The following RPRD2 variants were observed in gnomAD, a reference collection of about 807,000 sequenced individuals.
RPRD2 encodes regulation of nuclear pre-mRNA domain-containing protein 2.
In RPRD2, 12 loss-of-function variants were observed where a neutral mutation model predicts 104.4. The ratio of observed to expected loss-of-function variants is 0.11; its 90% confidence interval spans 0.07 to 0.19. RPRD2 has a LOEUF of 0.19. RPRD2 is among the 10% of genes least tolerant of loss of function. The pLI, the probability that RPRD2 is intolerant of heterozygous loss-of-function variation, is 1.00. For synonymous variants in RPRD2, 714 were observed against 684.9 expected (o/e 1.04, Z -0.66); for missense variants, 1,543 against 1,790.1 (o/e 0.86, Z 2.49).
chr1:150,384,323 A>G (rs1553881359), intron 1 of RPRD2, among the ~76,000 whole-genome samples: 1 of 152,042 alleles, frequency 6.6e-6, no homozygotes, highest in Non-Finnish European at 1.5e-5. Context: ...TATGTGAAAC[A>G]GGTGAAAGAA....
rs1572480344 is a variant in RPRD2 at position 150,439,641 on chromosome 1, T to TTG, written c.336-1282_336-1281insTG. 5.3e-5 allele frequency among the ~76,000 whole-genome samples: 8 copies of TTG among 151,688 alleles called. No individual in the cohort carries two copies. The East Asian group carries it at 1.4e-3, about 26-fold the overall frequency. The stretch of plus-strand genomic sequence containing the variant: ...GTTTGACATAGCTTTTTTTTTTTTT[T>TTG]GTCTTCAATCTCCATATGGTTTGGT... On this transcript the variant is annotated intron_variant, in intron 2 of 10. Transcript: ENST00000369068.
At chr1:150,441,774 C>G (rs1553894512) in intron 3 of RPRD2, 107 bp from the exon 4 acceptor site, 1 of 609,336 alleles carries the variant, frequency 1.6e-6, no homozygotes, top group Non-Finnish European at 2.9e-6. Flanking sequence ...AAAGAAACAA[C>G]ACACAGTCTC....
chr1:150,437,536 C>A (rs1666087738), intron 2 of RPRD2, among the ~76,000 whole-genome samples: 1 of 152,074 alleles, frequency 6.6e-6, no homozygotes, highest in Admixed American at 6.6e-5. Flanking sequence ...TGCTATTGCA[C>A]ACTTAATTGA....
chr1:150,398,187 A>ATTTATTTTGT (rs147248456), intron 1 of RPRD2, among the ~76,000 whole-genome samples: 7 of 132,310 alleles, frequency 5.3e-5, no homozygotes, highest in Non-Finnish European at 9.5e-5. Context: ...GTGTTTTTAT[A>ATTTATTTTGT]TTTATTTTAT....
At position 150,392,092 on chromosome 1, in the gene RPRD2, C is replaced by T. The variant is rs147928465; in HGVS notation, c.206-25504C>T. Among the ~76,000 whole-genome samples the T allele has an allele frequency of 6.8e-3, 995 of 147,402 alleles. 6 individuals carry two copies. The highest frequency in any genetic ancestry group is 0.013 in the South Asian group (58 of 4,630). ...GCAGGCACCTGTAGTCCCAGCTACT[C>T]GGGAGAATCGCTTGAACCGGGAGGC... On this transcript the variant is annotated intron_variant, in intron 1 of 10. Coordinates refer to ENST00000369068, the MANE Select transcript of RPRD2 (RefSeq NM_015203.5).
At chr1:150,438,288 CAAGAA>C (rs1425253668) in intron 2 of RPRD2, among the ~76,000 whole-genome samples, 2 of 146,024 alleles carry the variant, frequency 1.4e-5, no homozygotes, top group African/African-American at 5.1e-5. Context: ...AGACTCATCT[CAAGAA>C]AAGAAAAGAA....
At chr1:150,382,763 G>T (rs1553881026) in intron 1 of RPRD2, among the ~76,000 whole-genome samples, 1 of 152,180 alleles carries the variant, frequency 6.6e-6, no homozygotes, top group Non-Finnish European at 1.5e-5. Context: ...TTAAGGCCAG[G>T]TGTTTGAGGC....
At chr1:150,445,256 A>G (rs905738893) in intron 6 of RPRD2, among the ~76,000 whole-genome samples, 4 of 152,152 alleles carry the variant, frequency 2.6e-5, no homozygotes, top group South Asian at 4.1e-4. Context: ...CATACTAAAA[A>G]TCTCTATTTT....
intron 1 of RPRD2, among the ~76,000 whole-genome samples, chr1:150,406,966 C>T (rs1165441699): frequency 4.6e-5 from 7 of 152,132 alleles, no homozygotes; most frequent in Non-Finnish European, 8.8e-5. Flanking sequence ...CCGCCCGCCT[C>T]GGCCTCTCAA....
intron 1 of RPRD2, among the ~76,000 whole-genome samples, chr1:150,408,158 ATTTTTTTTT>A (rs10684924): frequency 1.1e-5 from 1 of 95,096 alleles, no homozygotes; most frequent in African/African-American, 4.7e-5. Context: ...TATTCATATG[ATTTTTTTTT>A]TTTTTTTTTT....
chr1:150,392,636 A>T (rs947741939), intron 1 of RPRD2, among the ~76,000 whole-genome samples: 30 of 152,200 alleles, frequency 2.0e-4, no homozygotes, highest in African/African-American at 7.2e-4. Context: ...TGAAGCCAGG[A>T]GTTCAAGACT....
Position 150,471,534 on chromosome 1 carries a change from G to A in RPRD2, c.2586G>A (p.Lys862=), listed in dbSNP as rs1347552051. Reference sequence around the variant, plus strand: ...CCAAATCTATCCTGAAATCAAGCAAGCTGTCTGATACCACCGAGTACCAGC... The same window carrying A: ...CCAAATCTATCCTGAAATCAAGCAAACTGTCTGATACCACCGAGTACCAGC... ...KPAKSILKSS[K]LSDTTEYQPI... is the part of the protein sequence containing the mutation. The change falls in exon 11 of 11, where the codon AAG becomes AAA. Residue 862 remains lysine (K), a synonymous_variant. Transcript: ENST00000369068. This position sits in a 1 kb window ranked among gnomAD's most constrained non-coding sequence, Gnocchi z 5.3. 1.2e-6 allele frequency: 2 copies of A among 1,613,750 alleles called. No individual in the cohort carries two copies. Among genetic ancestry groups the A allele is most frequent in the South Asian group, 2.2e-5 (2 of 91,062 alleles).
rs752614266 is a variant in RPRD2 at position 150,471,579 on chromosome 1, C to A, written c.2631C>A (p.Ser877Arg). Residue 877 changes from serine (S) to arginine (R), a missense_variant, in exon 11 of 11, where the codon AGC (serine) becomes AGA (arginine). Ser to Arg is a moderately radical substitution (Grantham distance 110). Transcript: ENST00000369068. The surrounding 1 kb of genome is among the most constrained non-coding windows in gnomAD (Gnocchi z 5.3). The stretch of plus-strand genomic sequence containing the variant: ...ACCAGCCAATTCTGTCCAGTTATAG[C>A]CACAGAGCCCAAGAATTTGGGGTAA... ...TEYQPILSSY[S>R]HRAQEFGVKS... 1 of 1,613,842 alleles carries A rather than the reference C, an allele frequency of 6.2e-7. No individual in the cohort carries two copies. The highest frequency in any genetic ancestry group is 1.3e-5 in the African/African-American group (1 of 74,974).
At chr1:150,422,376 TTAAAA>T (rs1393423038) in intron 2 of RPRD2, among the ~76,000 whole-genome samples, 6 of 90,414 alleles carry the variant, frequency 6.6e-5, no homozygotes, top group Non-Finnish European at 1.5e-4. Context: ...ATAAATAAAA[TTAAAA>T]TAAAAAAATA....
In RPRD2 at chr1:150,471,068, A is replaced by G. The variant is rs1205863679; in HGVS notation, c.2120A>G (p.Asp707Gly). 1 of 1,613,966 alleles carries G rather than the reference A, an allele frequency of 6.2e-7. No homozygotes were observed. The highest frequency in any genetic ancestry group is 1.7e-5 in the Admixed American group (1 of 60,026). ...SSAPSESHPS[D>G]FQRGPTSTSI... ...GCCCCATCAGAGAGCCATCCCTCAG[A>G]CTTCCAGCGTGGCCCTACTAGCACC... is the stretch of plus-strand genomic sequence containing the variant. The change falls in exon 11 of 11, where the codon GAC becomes GGC. Residue 707 changes from aspartate (D) to glycine (G), a missense_variant. By Grantham distance (94) the Asp-to-Gly change is moderately conservative (BLOSUM62 -1). Around this residue, in one of 4 missense-constraint regions of RPRD2, gnomAD observed 572 missense variants for 787.3 expected, o/e 0.73. Coordinates refer to ENST00000369068, the MANE Select transcript of RPRD2 (RefSeq NM_015203.5). The surrounding 1 kb of genome is among the most constrained non-coding windows in gnomAD (Gnocchi z 5.3).
chr1:150,373,791 T>C (rs1660505818), intron 1 of RPRD2, among the ~76,000 whole-genome samples: 1 of 152,184 alleles, frequency 6.6e-6, no homozygotes. Context: ...ATAGCGTGTC[T>C]AGTATATGGA....
intron 2 of RPRD2, among the ~76,000 whole-genome samples, chr1:150,431,511 G>C (rs1024187388): frequency 1.4e-4 from 9 of 62,710 alleles, no homozygotes; most frequent in Non-Finnish European, 2.2e-4. Context: ...ACGGGGTTTT[G>C]TCCTTGTTGC....
chr1:150,450,742 T>TC (rs1572502714), intron 7 of RPRD2, among the ~76,000 whole-genome samples: 1 of 151,100 alleles, frequency 6.6e-6, no homozygotes, highest in African/African-American at 2.4e-5. Context: ...TGCCTCAGCC[T>TC]CCCGAATAGG....
chr1:150,369,773 TTA>T (rs1553877966), intron 1 of RPRD2, among the ~76,000 whole-genome samples: 1 of 144,364 alleles, frequency 6.9e-6, no homozygotes, highest in African/African-American at 2.6e-5. Flanking sequence ...TGGCTAATTT[TTA>T]TGTTTTTGTT....
Sources: gnomAD v4.1 joint callset for allele counts (sites outside exome capture counted in the v4.1 genomes callset) on GRCh38, gnomAD v4.1.1 for gene constraint, gnomAD v4.1.1 regional missense constraint, Gnocchi (gnomAD v3.1) non-coding constraint, MANE v1.5 for transcripts, NCBI Gene and HGNC (gene_info 2026-07-23, HGNC 2026-07-21) for gene names.